Variants in LRP1B observed in about 807,000 individuals in gnomAD.
The protein encoded by LRP1B is low-density lipoprotein receptor-related protein 1B.
A neutral mutation model predicts 556.6 loss-of-function variants in LRP1B; 217 were observed. The observed-to-expected ratio is 0.39, with a 90% CI of 0.35 to 0.44. LRP1B has a LOEUF of 0.44. Among genes scored for constraint, LRP1B ranks in the 20% least tolerant of loss-of-function variants. The probability of loss-of-function intolerance (pLI) is 1.00; values close to 1 mark genes in which losing one functional copy is unlikely to be tolerated. For missense variants in LRP1B, 5,053 were observed against 5,620.8 expected, an observed-to-expected ratio of 0.90 and a Z score of 3.23; for synonymous variants, 2,047 against 1,865.8, an observed-to-expected ratio of 1.10 and a Z score of -2.50.
chr2:140,714,573 A>G (rs1275311022), intron 37 of LRP1B, among the ~76,000 whole-genome samples: 1 of 152,170 alleles, frequency 6.6e-6, no homozygotes. Context: ...GGTTCTATAT[A>G]ATATAAATGG....
intron 2 of LRP1B, among the ~76,000 whole-genome samples, chr2:141,560,604 G>A (rs1221530678): frequency 6.6e-6 from 1 of 151,604 alleles, no homozygotes; most frequent in Non-Finnish European, 1.5e-5. Flanking sequence ...TTAGCACACT[G>A]ATGATAAATT....
At chr2:142,044,850 A>G (rs1704198132) in intron 1 of LRP1B, among the ~76,000 whole-genome samples, 1 of 151,650 alleles carries the variant, frequency 6.6e-6, no homozygotes, top group South Asian at 2.1e-4. Flanking sequence ...GCCTTGACCC[A>G]TTTTACTTCT....
At chr2:140,509,082 AAACAC>A (rs1320521905) in intron 52 of LRP1B, among the ~76,000 whole-genome samples, 1,761 of 84,542 alleles carry the variant, frequency 0.021, 13 homozygotes, top group Non-Finnish European at 0.029. Flanking sequence ...ACACACACAC[AAACAC>A]ACACACACAC....
intron 21 of LRP1B, among the ~76,000 whole-genome samples, chr2:140,922,326 G>C (rs973027999): frequency 6.7e-6 from 1 of 149,948 alleles, no homozygotes; most frequent in African/African-American, 2.5e-5. Flanking sequence ...GCACACACAC[G>C]AAACCAAAAT....
At chr2:140,303,275 TCTCA>T (rs1324845430) in intron 83 of LRP1B, among the ~76,000 whole-genome samples, 1 of 151,950 alleles carries the variant, frequency 6.6e-6, no homozygotes, top group African/African-American at 2.4e-5. Flanking sequence ...TGAGATGGGG[TCTCA>T]CTCTGTTGCC....
chr2:141,775,115 T>C lies in LRP1B; in HGVS notation c.205+35164A>G, dbSNP rs562031998. On this transcript the variant is annotated intron_variant, in intron 2 of 90. Transcript: ENST00000389484. ...TGTAGGAGTCCTTCCCCATCACTCCTGCAGAAGATAAATGCAAATACATTG... is the reference window on the plus strand; with the variant it reads ...TGTAGGAGTCCTTCCCCATCACTCCCGCAGAAGATAAATGCAAATACATTG... 2.0e-5 allele frequency among the ~76,000 whole-genome samples: 3 copies of C among 152,348 alleles called. No homozygotes were observed. The South Asian group carries it at 6.2e-4, about 32-fold the overall frequency.
chr2:141,005,019 T>C lies in LRP1B; in HGVS notation c.2503+316A>G, dbSNP rs1453879526. 1.3e-5 allele frequency among the ~76,000 whole-genome samples: 2 copies of C among 152,052 alleles called. 1 individual carries two copies. The highest frequency in any genetic ancestry group is 4.8e-5 in the African/African-American group (2 of 41,448). On this transcript the variant is annotated intron_variant, in intron 15 of 90. Coordinates refer to ENST00000389484, the MANE Select transcript of LRP1B (RefSeq NM_018557.3). Reference sequence around the variant, plus strand: ...CTATGTTGTGCGTCAACTTACCATCTATCTAATCAACAACAATGCATTTTT... The same window carrying C: ...CTATGTTGTGCGTCAACTTACCATCCATCTAATCAACAACAATGCATTTTT...
chr2:140,483,218 A>G (rs888492071), intron 59 of LRP1B, among the ~76,000 whole-genome samples: 13 of 152,164 alleles, frequency 8.5e-5, no homozygotes. Flanking sequence ...CAAAAATGAA[A>G]TCAATGGAGT....
intron 31 of LRP1B, among the ~76,000 whole-genome samples, chr2:140,817,221 T>C (rs1487594190): frequency 2.0e-5 from 3 of 152,118 alleles, no homozygotes; most frequent in Admixed American, 6.6e-5. Flanking sequence ...TCAATTGTAA[T>C]ACAGTCTCAT....
chr2:140,674,577 C>T (rs960129023), intron 41 of LRP1B, among the ~76,000 whole-genome samples: 2 of 152,254 alleles, frequency 1.3e-5, no homozygotes, highest in Middle Eastern at 3.4e-3. Flanking sequence ...CCTAGGACTC[C>T]CCTGTTTGAG....
chr2:141,225,245 T>A (rs1038054529), intron 6 of LRP1B, among the ~76,000 whole-genome samples: 4 of 152,134 alleles, frequency 2.6e-5, no homozygotes, highest in African/African-American at 7.2e-5. Flanking sequence ...GCTAAATCCA[T>A]GTTAAAATCT....
At chr2:141,961,982 C>T (rs1197274500) in intron 1 of LRP1B, among the ~76,000 whole-genome samples, 1 of 151,648 alleles carries the variant, frequency 6.6e-6, no homozygotes, top group East Asian at 1.9e-4. Context: ...AATTAGATTT[C>T]TCAACAAAGA....
chr2:141,753,281 T>TATATATATATATATATATATATATATCC (rs1553459371), intron 2 of LRP1B, among the ~76,000 whole-genome samples: 1 of 135,484 alleles, frequency 7.4e-6, no homozygotes, highest in African/African-American at 2.8e-5. Flanking sequence ...TATATATATA[T>TATATATATATATATATATATATATATCC]ATCCCAGATG....
intron 11 of LRP1B, among the ~76,000 whole-genome samples, chr2:141,046,069 G>GA: frequency 6.6e-6 from 1 of 151,996 alleles, no homozygotes; most frequent in Admixed American, 6.6e-5. Flanking sequence ...AAACCTCTAG[G>GA]AGAAAAAAAA....
chr2:140,641,501 T>C (rs1251590250), intron 41 of LRP1B, among the ~76,000 whole-genome samples: 1 of 152,238 alleles, frequency 6.6e-6, no homozygotes, highest in Non-Finnish European at 1.5e-5. Context: ...ACCACCTTGA[T>C]AATATCACAG....
At chr2:141,016,625 A>T (rs1387373018) in intron 12 of LRP1B, among the ~76,000 whole-genome samples, 1 of 152,110 alleles carries the variant, frequency 6.6e-6, no homozygotes, top group Non-Finnish European at 1.5e-5. Context: ...ATCTGCCTTT[A>T]AAAACAAATC....
chr2:140,686,581 G>A (rs1157455845), intron 41 of LRP1B, among the ~76,000 whole-genome samples: 1 of 151,970 alleles, frequency 6.6e-6, no homozygotes, highest in African/African-American at 2.4e-5. Flanking sequence ...GATGAAAATA[G>A]GAGGGGTTCC....
At position 140,388,097 on chromosome 2, in the gene LRP1B, C is replaced by T. The variant is rs553279163; in HGVS notation, c.10415-2088G>A. On this transcript the variant is annotated intron_variant, in intron 66 of 90. Transcript: ENST00000389484. ...GATTACAGGCATTCGCCACCATACC[C>T]GGCTAATTTTTGTATTTTTAGTAGA... Among the ~76,000 whole-genome samples, 6 of 151,930 alleles carry T rather than the reference C, an allele frequency of 3.9e-5. No homozygotes were observed. In the South Asian group the frequency reaches 6.2e-4, roughly 16 times the overall value.
chr2:141,445,660 C>A lies in LRP1B; in HGVS notation c.343+34736G>T, dbSNP rs184437359. Among the ~76,000 whole-genome samples, 270 of 152,242 alleles carry A rather than the reference C, an allele frequency of 1.8e-3. 1 individual carries two copies. Among genetic ancestry groups the A allele is most frequent in the African/African-American group, 6.3e-3 (260 of 41,548 alleles). On this transcript the variant is annotated intron_variant, in intron 3 of 90. Coordinates refer to ENST00000389484, the MANE Select transcript of LRP1B (RefSeq NM_018557.3). Reference sequence around the variant, plus strand: ...TTGGTTTCAAATAACTTATTTATTTCTGCCTTAATTTTGTTATTTACTCAG... The same window carrying A: ...TTGGTTTCAAATAACTTATTTATTTATGCCTTAATTTTGTTATTTACTCAG...
Sources: allele counts gnomAD v4.1 joint callset (sites outside exome capture counted in the v4.1 genomes callset), GRCh38; gene constraint gnomAD v4.1.1; transcripts MANE v1.5; gene names NCBI Gene and HGNC (gene_info 2026-07-23, HGNC 2026-07-21).